GLS2: variants seen among roughly 807,000 people sequenced by gnomAD.
The protein encoded by GLS2 is glutaminase 2, also known as glutaminase liver isoform, mitochondrial.
A neutral mutation model predicts 79.0 loss-of-function variants in GLS2; 52 were observed. The observed-to-expected ratio is 0.66, with a 90% CI of 0.53 to 0.83. The LOEUF (loss-of-function observed/expected upper bound fraction) is 0.83. GLS2 is among the 40% of genes least tolerant of loss of function. GLS2 has a pLI of 0.00. For synonymous variants in GLS2, 238 were observed against 280.8 expected (o/e 0.85, Z 1.52); for missense variants, 561 against 764.8 (o/e 0.73, Z 3.14).
intron 2 of GLS2, among the ~76,000 whole-genome samples, 157 bp from the exon 3 acceptor site, chr12:56,480,058 T>C (rs1870161530): frequency 6.6e-6 from 1 of 152,192 alleles, no homozygotes; most frequent in African/African-American, 2.4e-5. Flanking sequence ...ATGGAGTAGC[T>C]CTGAAGGCTA....
At chr12:56,474,947 A>G (rs1296915116) in intron 10 of GLS2, 51 bp from the exon 11 acceptor site, 1 of 1,613,826 alleles carries the variant, frequency 6.2e-7, no homozygotes, top group Non-Finnish European at 8.5e-7. Flanking sequence ...CAGCCCTTTC[A>G]CACTGTCAGG....
At chr12:56,479,928 G>A (rs1268674401) in intron 2 of GLS2, 27 bp from the exon 3 acceptor site, 1 of 1,608,772 alleles carries the variant, frequency 6.2e-7, no homozygotes, top group Non-Finnish European at 8.5e-7. Context: ...AGGCCAGAAA[G>A]GTCAGCTACA....
intron 4 of GLS2, 45 bp downstream of exon 4, chr12:56,479,005 AAT>A: frequency 6.5e-7 from 1 of 1,534,912 alleles, no homozygotes; most frequent in Non-Finnish European, 8.7e-7. Flanking sequence ...AAAAAAAAAA[AAT>A]CTGGCCCAGG....
At chr12:56,487,818 C>A in intron 1 of GLS2, 119 bp downstream of exon 1, 1 of 1,183,364 alleles carries the variant, frequency 8.5e-7, no homozygotes, top group Non-Finnish European at 1.1e-6. Flanking sequence ...GCACCGAGGG[C>A]TAGTGAGCGA....
chr12:56,481,701 G>C (rs1445503820), intron 1 of GLS2, among the ~76,000 whole-genome samples: 1 of 140,542 alleles, frequency 7.1e-6, no homozygotes, highest in Non-Finnish European at 1.5e-5. Context: ...GACCAGCCTG[G>C]CCAACATGGT....
intron 14 of GLS2, 172 bp downstream of exon 14, chr12:56,473,056 A>AT (rs1413532298): frequency 3.1e-6 from 2 of 649,224 alleles, no homozygotes; most frequent in Admixed American, 3.1e-5. Context: ...CGTCTGGCTA[A>AT]TTTTTTGTAT....
At chr12:56,476,136 C>A in intron 7 of GLS2, 159 bp from the exon 8 acceptor site, 1 of 650,684 alleles carries the variant, frequency 1.5e-6, no homozygotes, top group Non-Finnish European at 2.7e-6. Flanking sequence ...GAAAACACCG[C>A]ACTTCCATTG....
At chr12:56,473,112 A>G (rs1029867797) in intron 14 of GLS2, 116 bp downstream of exon 14, 13 of 910,198 alleles carry the variant, frequency 1.4e-5, no homozygotes, top group South Asian at 1.2e-4. Flanking sequence ...GATGGTCTTG[A>G]TCTCCTGACC....
chr12:56,472,669 A>G (rs1368258744), intron 15 of GLS2, 21 bp downstream of exon 15: 3 of 1,608,666 alleles, frequency 1.9e-6, no homozygotes, highest in Non-Finnish European at 2.6e-6. Flanking sequence ...TATTGTGTAT[A>G]TTTGGTCACA....
intron 4 of GLS2, chr12:56,478,568 T>C (rs1870027897): frequency 8.6e-6 from 3 of 350,022 alleles, no homozygotes; most frequent in Non-Finnish European, 1.1e-5. Flanking sequence ...CTTTGAAGGC[T>C]CTATTCGATC....
rs997571511 is a variant in GLS2, at chr12:56,478,109, A to G, written c.615-13T>C. The G allele has an allele frequency of 6.2e-7, 1 of 1,614,044 alleles. No individual in the cohort carries two copies. The highest frequency in any genetic ancestry group is 8.5e-7 in the Non-Finnish European group (1 of 1,179,926). On this transcript the variant is annotated splice_polypyrimidine_tract_variant and intron_variant, in intron 5 of 17. Coordinates refer to ENST00000311966, the MANE Select transcript of GLS2 (RefSeq NM_013267.4). ...GCCCACAGAGTGCCTGGAGGCAGAC[A>G]GATGCCATGAAAGGGGTTGGCCTGT...
chr12:56,479,888 G>C lies in GLS2; in HGVS notation c.296C>G (p.Thr99Ser). The C allele has an allele frequency of 1.2e-6, 2 of 1,613,350 alleles. No homozygotes were observed. Among genetic ancestry groups the C allele is most frequent in the Non-Finnish European group, 1.7e-6 (2 of 1,179,884 alleles). ...CCGAGGATCTGATGTCTGCAGTCCA[G>C]TGGCCTTTAGTGCCTTTAGAGGAAA... ...IHKFTTALKA[T>S]GLQTSDPRLR... Residue 99 changes from threonine (T) to serine (S), a missense_variant, in exon 3 of 18, where the codon ACT becomes AGT. By Grantham distance (58) the Thr-to-Ser change is moderately conservative. Coordinates refer to ENST00000311966, the MANE Select transcript of GLS2 (RefSeq NM_013267.4).
intron 1 of GLS2, among the ~76,000 whole-genome samples, chr12:56,483,265 G>A (rs1870441039): frequency 1.3e-5 from 2 of 151,358 alleles, no homozygotes; most frequent in African/African-American, 4.9e-5. Context: ...ATTTTTAGTA[G>A]AGACAGGGTT....
In GLS2 at chr12:56,471,797, T is replaced by C; in HGVS notation, c.1628A>G (p.Lys543Arg). The C allele has an allele frequency of 6.2e-7, 1 of 1,614,136 alleles. No individual in the cohort carries two copies. Among genetic ancestry groups the C allele is most frequent in the Non-Finnish European group, 8.5e-7 (1 of 1,180,026 alleles). Residue 543 changes from lysine (K) to arginine (R), a missense_variant, in exon 17 of 18, where the codon AAA becomes AGA. Transcript: ENST00000311966. ...EVVKFLIEAC[K>R]VNPFAKDRWG... The stretch of plus-strand genomic sequence containing the variant: ...CCTGTCCTTGGCAAAAGGATTCACT[T>C]TGCAAGCCTCGATCAGGAATTTAAC...
chr12:56,477,909 G>C (rs774104105), intron 6 of GLS2, 24 bp downstream of exon 6: 1 of 1,605,228 alleles, frequency 6.2e-7, no homozygotes, highest in Admixed American at 1.7e-5. Context: ...CTGTAAGTAC[G>C]GTCTGAGCCT....
intron 6 of GLS2, 97 bp downstream of exon 6, chr12:56,477,826 ACAGGGCTAAT>A: frequency 6.5e-7 from 1 of 1,542,542 alleles, no homozygotes; most frequent in Non-Finnish European, 8.8e-7. Context: ...GAAAGGCATG[ACAGGGCTAAT>A]CAGGAAGGGC....
Position 56,474,910 on chromosome 12 carries a change from A to C in GLS2, c.997-14T>G, listed in dbSNP as rs759926117. 16 of 1,614,130 alleles carry C rather than the reference A, an allele frequency of 9.9e-6. No homozygotes were observed. The highest frequency in any genetic ancestry group is 1.4e-5 in the Non-Finnish European group (16 of 1,180,026). On this transcript the variant is annotated splice_polypyrimidine_tract_variant and intron_variant, in intron 10 of 17. Coordinates refer to ENST00000311966, the MANE Select transcript of GLS2 (RefSeq NM_013267.4). ...CTTAGGAAAGCACTGCAAGGAAGAG[A>C]GGGGAGAGCATTTCTCTTCAGGACA...
At chr12:56,486,879 G>A (rs77134767) in intron 1 of GLS2, among the ~76,000 whole-genome samples, 3,785 of 152,234 alleles carry the variant, frequency 0.025, 174 homozygotes, top group African/African-American at 0.086. Flanking sequence ...AGAAATAAAA[G>A]TACTGCATAA....
At chr12:56,480,458 T>C (rs1870191911) in intron 1 of GLS2, 71 bp from the exon 2 acceptor site, 9 of 1,167,554 alleles carry the variant, frequency 7.7e-6, no homozygotes, top group Non-Finnish European at 1.2e-5. Flanking sequence ...TTCTGCAACA[T>C]GGGCTTATAA....
Sources: gnomAD v4.1 joint callset for allele counts (sites outside exome capture counted in the v4.1 genomes callset) on GRCh38, gnomAD v4.1.1 for gene constraint, MANE v1.5 for transcripts, NCBI Gene and HGNC (gene_info 2026-07-23, HGNC 2026-07-21) for gene names.